Variants in ENPP6 observed in about 807,000 individuals in gnomAD.
The protein encoded by ENPP6 is glycerophosphocholine cholinephosphodiesterase ENPP6.
A neutral mutation model predicts 42.0 loss-of-function variants in ENPP6; 32 were observed. That is an observed-to-expected ratio of 0.76 (90% CI 0.58 to 1.02). ENPP6 has a LOEUF of 1.02. Among genes scored for constraint, ENPP6 ranks in the 50% least tolerant of loss-of-function variants. ENPP6 has a pLI of 0.00. For synonymous variants in ENPP6, 213 were observed against 216.0 expected, an observed-to-expected ratio of 0.99 and a Z score of 0.12; for missense variants, 552 against 566.8, an observed-to-expected ratio of 0.97 and a Z score of 0.27.
chr4:184,110,893 A>G (rs984063845), intron 6 of ENPP6, among the ~76,000 whole-genome samples: 3 of 152,162 alleles, frequency 2.0e-5, no homozygotes, highest in African/African-American at 7.2e-5. Flanking sequence ...ACTGCGTTTC[A>G]TCACTCACTG....
chr4:184,094,412 C>T (rs7683077), intron 7 of ENPP6, among the ~76,000 whole-genome samples: 8,688 of 152,302 alleles, frequency 0.057, 807 homozygotes, highest in African/African-American at 0.2. Flanking sequence ...TGCATTTAAG[C>T]ATAAAGGAGG....
intron 1 of ENPP6, among the ~76,000 whole-genome samples, chr4:184,189,778 G>T (rs1338918285): frequency 6.6e-6 from 1 of 152,088 alleles, no homozygotes; most frequent in Non-Finnish European, 1.5e-5. Flanking sequence ...CCACAGCCCG[G>T]AGTAGAACCC....
At chr4:184,168,272 C>T (rs1426909493) in intron 1 of ENPP6, among the ~76,000 whole-genome samples, 1 of 151,788 alleles carries the variant, frequency 6.6e-6, no homozygotes, top group South Asian at 2.1e-4. Context: ...CGATGTCTTC[C>T]GCACGATGTC....
chr4:184,111,005 C>T (rs765521000), intron 6 of ENPP6, among the ~76,000 whole-genome samples: 2 of 152,118 alleles, frequency 1.3e-5, no homozygotes, highest in African/African-American at 2.4e-5. Flanking sequence ...GCACCTGTCA[C>T]ATCCTACTGC....
intron 7 of ENPP6, among the ~76,000 whole-genome samples, chr4:184,092,958 G>T (rs1579602958): frequency 6.6e-6 from 1 of 152,128 alleles, no homozygotes; most frequent in East Asian, 1.9e-4. Flanking sequence ...TATTTATCCT[G>T]GAATTATAAA....
intron 4 of ENPP6, 94 bp from the exon 5 acceptor site, chr4:184,117,129 A>C: frequency 7.1e-7 from 1 of 1,415,216 alleles, no homozygotes; most frequent in Non-Finnish European, 9.8e-7. Flanking sequence ...GAGAAAGGCT[A>C]TCTCCTCAGT....
chr4:184,217,861 C>G lies in ENPP6; in HGVS notation c.-42G>C. On this transcript the variant is annotated 5_prime_UTR_variant, in exon 1 of 8. Coordinates refer to ENST00000296741, the MANE Select transcript of ENPP6 (RefSeq NM_153343.4). Reference sequence around the variant, plus strand: ...CAGAGCCCGGCTGGCACAGCTGTCGCCTTGCAAAGACTGAGGATGGAGAAT... The same window carrying G: ...CAGAGCCCGGCTGGCACAGCTGTCGGCTTGCAAAGACTGAGGATGGAGAAT... The G allele has an allele frequency of 6.3e-7, 1 of 1,598,192 alleles. No individual in the cohort carries two copies. Among genetic ancestry groups the G allele is most frequent in the East Asian group, 2.3e-5 (1 of 44,344 alleles).
chr4:184,194,337 AAC>A (rs1203499996), intron 1 of ENPP6, among the ~76,000 whole-genome samples: 5 of 152,178 alleles, frequency 3.3e-5, no homozygotes, highest in Non-Finnish European at 5.9e-5. Flanking sequence ...TGGAGCAACG[AAC>A]AGTCACGATG....
At chr4:184,169,271 GC>G (rs1201991924) in intron 1 of ENPP6, among the ~76,000 whole-genome samples, 1 of 152,046 alleles carries the variant, frequency 6.6e-6, no homozygotes, top group African/African-American at 2.4e-5. Context: ...AGTGACCGTG[GC>G]TCCAGGATCC....
At chr4:184,162,830 A>T (rs1243338604) in intron 1 of ENPP6, among the ~76,000 whole-genome samples, 1 of 152,092 alleles carries the variant, frequency 6.6e-6, no homozygotes, top group African/African-American at 2.4e-5. Flanking sequence ...CAGGCTGCAC[A>T]GAGTTTAATT....
At chr4:184,213,027 G>T (rs902377643) in intron 1 of ENPP6, among the ~76,000 whole-genome samples, 4 of 151,794 alleles carry the variant, frequency 2.6e-5, no homozygotes, top group African/African-American at 7.3e-5. Context: ...GGGAAAACTG[G>T]CTAGCCATAT....
At chr4:184,202,800 T>C (rs1254194111) in intron 1 of ENPP6, among the ~76,000 whole-genome samples, 2 of 152,208 alleles carry the variant, frequency 1.3e-5, no homozygotes, top group East Asian at 1.9e-4. Flanking sequence ...GTGGAATTGC[T>C]TGTTGCAACA....
At chr4:184,102,626 T>C (rs1488396364) in intron 6 of ENPP6, among the ~76,000 whole-genome samples, 2 of 151,936 alleles carry the variant, frequency 1.3e-5, no homozygotes, top group Non-Finnish European at 1.5e-5. Context: ...GGCTGGAGGG[T>C]TGAAATCTGT....
At chr4:184,106,068 T>C (rs1736086259) in intron 6 of ENPP6, among the ~76,000 whole-genome samples, 1 of 150,732 alleles carries the variant, frequency 6.6e-6, no homozygotes, top group Admixed American at 6.6e-5. Flanking sequence ...ATGGAATCTC[T>C]CTCTGTCTCC....
chr4:184,104,280 T>C (rs968107212), intron 6 of ENPP6, among the ~76,000 whole-genome samples: 1 of 152,236 alleles, frequency 6.6e-6, no homozygotes, highest in African/African-American at 2.4e-5. Flanking sequence ...AACCACAGGC[T>C]TTAGAATTGA....
intron 1 of ENPP6, among the ~76,000 whole-genome samples, chr4:184,156,560 T>G (rs1737162326): frequency 6.6e-6 from 1 of 152,226 alleles, no homozygotes; most frequent in Non-Finnish European, 1.5e-5. Context: ...GTGGTGTGGT[T>G]TTTTGGTCTC....
At chr4:184,146,023 CTTTTT>C (rs70959175) in intron 2 of ENPP6, among the ~76,000 whole-genome samples, 1 of 141,992 alleles carries the variant, frequency 7.0e-6, no homozygotes, top group Non-Finnish European at 1.5e-5. Flanking sequence ...TTTTCTTTTT[CTTTTT>C]TTTTTTTTTG....
At position 184,134,846 on chromosome 4, in the gene ENPP6, T is replaced by G. The variant is rs1736706616; in HGVS notation, c.422-10574A>C. 2.6e-5 allele frequency among the ~76,000 whole-genome samples: 4 copies of G among 150,994 alleles called. No homozygotes were observed. The South Asian group carries it at 8.5e-4, about 32-fold the overall frequency. Reference sequence around the variant, plus strand: ...TAGCTAATGCATCTTGTATGCCTGTTAATTTCCTTTTAAGGATGGCTTTAG... The same window carrying G: ...TAGCTAATGCATCTTGTATGCCTGTGAATTTCCTTTTAAGGATGGCTTTAG... On this transcript the variant is annotated intron_variant, in intron 2 of 7. Transcript: ENST00000296741.
chr4:184,117,955 C>G lies in ENPP6; in HGVS notation c.534-55G>C, dbSNP rs1736352501. ...GAGGGAGGCCCCCGCCAGCTTGCTC[C>G]CTTATCACCCCCATAGCACTCTCTG... On this transcript the variant is annotated intron_variant, in intron 3 of 7. Coordinates refer to ENST00000296741, the MANE Select transcript of ENPP6 (RefSeq NM_153343.4). 3.2e-6 allele frequency: 5 copies of G among 1,582,628 alleles called. No individual in the cohort carries two copies. In the Admixed American group the frequency reaches 9.0e-5, roughly 28 times the overall value.
Sources: gnomAD v4.1 joint callset for allele counts (sites outside exome capture counted in the v4.1 genomes callset) on GRCh38, gnomAD v4.1.1 for gene constraint, MANE v1.5 for transcripts, NCBI Gene and HGNC (gene_info 2026-07-23, HGNC 2026-07-21) for gene names.